The following C11orf97 variants were observed in gnomAD, a reference collection of about 807,000 sequenced individuals.
C11orf97 encodes the protein uncharacterized protein C11orf97.
Under a neutral mutation model 16.2 loss-of-function variants are expected in C11orf97, and 15 were observed. That is an observed-to-expected ratio of 0.93 (90% CI 0.62 to 1.43). The LOEUF (loss-of-function observed/expected upper bound fraction) is 1.43, where lower values mean the gene tolerates loss of function less well. C11orf97 is among the 40% of genes most tolerant of loss of function. C11orf97 has a pLI of 0.00. For missense variants in C11orf97, 171 were observed against 161.2 expected (o/e 1.06, Z -0.33); for synonymous variants, 61 against 65.7 (o/e 0.93, Z 0.34).
chr11:94,517,487 G>C (rs1947620220), intron 1 of C11orf97, 96 bp from the exon 2 acceptor site: 1 of 604,564 alleles, frequency 1.7e-6, no homozygotes, highest in East Asian at 3.2e-5. Flanking sequence ...GGAATAACAT[G>C]TCTTCTTTTA....
In C11orf97 at chr11:94,512,693, C is replaced by T. The variant is rs189694773; in HGVS notation, c.145+20C>T. The stretch of plus-strand genomic sequence containing the variant: ...AGCAGTGTGAGTTCAGCTCCAGCCG[C>T]GGACGCTACTGGGAGGAGGGGCGTG... On this transcript the variant is annotated intron_variant, in intron 1 of 3. Coordinates refer to ENST00000542198, the MANE Select transcript of C11orf97 (RefSeq NM_001190462.2). The T allele has an allele frequency of 1.1e-4, 132 of 1,235,946 alleles. No individual in the cohort carries two copies. The East Asian group carries it at 3.7e-3, about 35-fold the overall frequency. 76.6% of individuals were successfully genotyped at this position (1,235,946 alleles called of 1,614,324 possible).
chr11:94,521,494 G>A (rs553808314), intron 2 of C11orf97, among the ~76,000 whole-genome samples: 187 of 152,308 alleles, frequency 1.2e-3, no homozygotes, highest in Non-Finnish European at 2.2e-3. Context: ...TGTTTGGCAG[G>A]TTAGGTGTAT....
intron 3 of C11orf97, among the ~76,000 whole-genome samples, chr11:94,530,425 C>A (rs541160008): frequency 6.6e-6 from 1 of 152,334 alleles, no homozygotes; most frequent in South Asian, 2.1e-4. Context: ...AAGAATTAAA[C>A]CTTTCTCATT....
Position 94,528,253 on chromosome 11 carries a change from G to A in C11orf97, c.376+44G>A. 2.0e-6 allele frequency: 3 copies of A among 1,493,878 alleles called. No individual in the cohort carries two copies. In the South Asian group the frequency reaches 3.8e-5, roughly 19 times the overall value. 92.5% of individuals were successfully genotyped at this position (1,493,878 alleles called of 1,614,324 possible). A position where few individuals can be genotyped will look rare whatever the true frequency, so the allele number is the denominator to read the frequency against. On this transcript the variant is annotated intron_variant, in intron 3 of 3. Coordinates refer to ENST00000542198, the MANE Select transcript of C11orf97 (RefSeq NM_001190462.2). ...TGACTTCCACTGAAGCCCCTGAGGG[G>A]ACTTTACAGTTTACAAACCAGTGGT...
At chr11:94,521,066 C>G (rs909449566) in intron 2 of C11orf97, among the ~76,000 whole-genome samples, 3 of 152,214 alleles carry the variant, frequency 2.0e-5, no homozygotes. Context: ...TTAAAGGTCA[C>G]CCAGACATTC....
intron 2 of C11orf97, 113 bp downstream of exon 2, chr11:94,517,800 G>T: frequency 3.0e-6 from 2 of 667,034 alleles, no homozygotes; most frequent in African/African-American, 1.9e-5. Context: ...TTTTTGGAAA[G>T]TTCTTGAACT....
At chr11:94,528,494 C>CA in intron 3 of C11orf97, among the ~76,000 whole-genome samples, 1 of 152,308 alleles carries the variant, frequency 6.6e-6, no homozygotes, top group South Asian at 2.1e-4. Flanking sequence ...CTTTCTAGCA[C>CA]ACAGTCAGCC....
At chr11:94,525,574 C>A (rs1947693301) in intron 2 of C11orf97, among the ~76,000 whole-genome samples, 1 of 152,178 alleles carries the variant, frequency 6.6e-6, no homozygotes, top group South Asian at 2.1e-4. Flanking sequence ...TTATTTCATT[C>A]AATTAAAATG....
At chr11:94,514,947 T>G (rs1260679755) in intron 1 of C11orf97, among the ~76,000 whole-genome samples, 2 of 152,136 alleles carry the variant, frequency 1.3e-5, no homozygotes, top group African/African-American at 4.8e-5. Flanking sequence ...GCCTGGCCAA[T>G]GTCACCTTTA....
intron 2 of C11orf97, among the ~76,000 whole-genome samples, chr11:94,525,069 G>GAA (rs534192532): frequency 7.2e-5 from 5 of 69,312 alleles, no homozygotes; most frequent in Non-Finnish European, 1.2e-4. Context: ...AAGAAAAAAA[G>GAA]AAAAAAAAAA....
chr11:94,528,685 T>C (rs1947717233), intron 3 of C11orf97, among the ~76,000 whole-genome samples: 1 of 152,212 alleles, frequency 6.6e-6, no homozygotes, highest in Non-Finnish European at 1.5e-5. Context: ...GATACCATTG[T>C]TCCTTAGCAG....
At chr11:94,525,802 T>C (rs999620471) in intron 2 of C11orf97, among the ~76,000 whole-genome samples, 3 of 152,218 alleles carry the variant, frequency 2.0e-5, no homozygotes, top group Non-Finnish European at 2.9e-5. Context: ...CAAAGAGAGC[T>C]GAAAGGAACT....
intron 3 of C11orf97, 33 bp from the exon 4 acceptor site, chr11:94,531,863 C>A: frequency 7.1e-7 from 1 of 1,401,602 alleles, no homozygotes; most frequent in Non-Finnish European, 9.3e-7. Flanking sequence ...CGAAGTAAAA[C>A]ACTTATTTTT....
At chr11:94,528,540 C>T (rs751850586) in intron 3 of C11orf97, among the ~76,000 whole-genome samples, 1 of 152,124 alleles carries the variant, frequency 6.6e-6, no homozygotes, top group Admixed American at 6.5e-5. Context: ...CTTTTCTTCT[C>T]GATAGAGGAT....
chr11:94,531,098 G>A (rs1469949269), intron 3 of C11orf97, among the ~76,000 whole-genome samples: 2 of 152,150 alleles, frequency 1.3e-5, no homozygotes, highest in East Asian at 3.8e-4. Context: ...TCATCCAACT[G>A]TAGTTCTAAA....
intron 2 of C11orf97, among the ~76,000 whole-genome samples, chr11:94,522,563 A>C (rs1947666886): frequency 6.6e-6 from 1 of 151,508 alleles, no homozygotes; most frequent in South Asian, 2.1e-4. Context: ...AAACAAAACA[A>C]TTGACACCTC....
chr11:94,520,719 G>A (rs897912022), intron 2 of C11orf97, among the ~76,000 whole-genome samples: 1 of 152,152 alleles, frequency 6.6e-6, no homozygotes, highest in African/African-American at 2.4e-5. Context: ...TGAATTCAGT[G>A]TATATCCTAA....
Position 94,512,461 on chromosome 11 carries a change from A to G in C11orf97, c.-68A>G. 1.6e-6 allele frequency: 2 copies of G among 1,248,844 alleles called. No individual in the cohort carries two copies. The highest frequency in any genetic ancestry group is 2.0e-6 in the Non-Finnish European group (2 of 995,376). 77.4% of individuals were successfully genotyped at this position (1,248,844 alleles called of 1,614,324 possible). A position where few individuals can be genotyped will look rare whatever the true frequency, so the allele number is the denominator to read the frequency against. The stretch of plus-strand genomic sequence containing the variant: ...ACTATGGCAACCCGAGACGCCTCGC[A>G]TGCTGGGCTGCCTGCGACTGAGCTG... On this transcript the variant is annotated 5_prime_UTR_variant, in exon 1 of 4. It removes an upstream start codon present in the reference 5' UTR. Transcript: ENST00000542198.
At chr11:94,525,160 CTA>C (rs1479053866) in intron 2 of C11orf97, among the ~76,000 whole-genome samples, 1 of 151,544 alleles carries the variant, frequency 6.6e-6, no homozygotes, top group African/African-American at 2.4e-5. Context: ...TATTTTAAAA[CTA>C]TTTCTGCATT....
Sources: allele counts gnomAD v4.1 joint callset (sites outside exome capture counted in the v4.1 genomes callset), GRCh38; gene constraint gnomAD v4.1.1; transcripts MANE v1.5; gene names NCBI Gene and HGNC (gene_info 2026-07-23, HGNC 2026-07-21).